Variants in HCN1 observed in about 807,000 individuals in gnomAD.
HCN1 encodes potassium/sodium hyperpolarization-activated cyclic nucleotide-gated channel 1.
Under a neutral mutation model 78.9 loss-of-function variants are expected in HCN1, and 13 were observed. The ratio of observed to expected loss-of-function variants is 0.16; its 90% CI spans 0.11 to 0.26. The LOEUF is 0.26. Among genes scored for constraint, HCN1 ranks in the 10% least tolerant of loss-of-function variants. The pLI is 1.00. For missense variants in HCN1, 810 were observed against 1,154.3 expected, an observed-to-expected ratio of 0.70 and a Z score of 4.32; for synonymous variants, 552 against 455.5, an observed-to-expected ratio of 1.21 and a Z score of -2.70.
At chr5:45,372,072 T>TATAATATAATTATACATATACTA (rs1561127858) in intron 4 of HCN1, among the ~76,000 whole-genome samples, 1 of 47,628 alleles carries the variant, frequency 2.1e-5, no homozygotes, top group African/African-American at 1.3e-4. Context: ...ATATTATATA[T>TATAATATAATTATACATATACTA]TATATATAAT....
intron 5 of HCN1, among the ~76,000 whole-genome samples, chr5:45,306,851 G>C (rs965609212): frequency 6.6e-6 from 1 of 152,112 alleles, no homozygotes; most frequent in South Asian, 2.1e-4. Context: ...TTGAGGAAAG[G>C]TTGCTTGCTA....
intron 2 of HCN1, among the ~76,000 whole-genome samples, chr5:45,474,597 A>G (rs939211330): frequency 3.9e-5 from 6 of 152,026 alleles, no homozygotes; most frequent in African/African-American, 1.4e-4. Context: ...AATTTAAGAC[A>G]AAGGGCAAGC....
rs184199628 is a variant in HCN1, at chr5:45,371,554, T to G, written c.1231-18308A>C. 2.1e-3 allele frequency among the ~76,000 whole-genome samples: 313 copies of G among 151,520 alleles called. 2 individuals are homozygous for G. The highest frequency in any genetic ancestry group is 7.3e-3 in the African/African-American group (304 of 41,376). ...TGGACAGATCACGAGGTCAGGAGTT[T>G]GAGACCATCCTGGACAACACAGTGA... On this transcript the variant is annotated intron_variant, in intron 4 of 7. Transcript: ENST00000303230.
rs973719997 is a variant in HCN1, at chr5:45,274,187, C to T, written c.1619-6934G>A. The stretch of plus-strand genomic sequence containing the variant: ...CCAGAATACCCAATTTTTCATTTTA[C>T]TAAGGGTATAACTAGTCATTTCAAC... On this transcript the variant is annotated intron_variant, in intron 6 of 7. Coordinates refer to ENST00000303230, the MANE Select transcript of HCN1 (RefSeq NM_021072.4). 2.6e-5 allele frequency among the ~76,000 whole-genome samples: 4 copies of T among 152,012 alleles called. 1 individual carries two copies. Among genetic ancestry groups the T allele is most frequent in the African/African-American group, 9.7e-5 (4 of 41,412 alleles).
intron 3 of HCN1, among the ~76,000 whole-genome samples, chr5:45,414,354 T>C (rs1740078271): frequency 6.6e-6 from 1 of 152,062 alleles, no homozygotes; most frequent in African/African-American, 2.4e-5. Flanking sequence ...TGAACAGAGT[T>C]GAATATCATT....
chr5:45,365,658 C>T (rs1747220391), intron 4 of HCN1, among the ~76,000 whole-genome samples: 1 of 151,842 alleles, frequency 6.6e-6, no homozygotes. Context: ...TATATGAGTG[C>T]AGGTGTCTTT....
chr5:45,597,064 A>G (rs1177518895), intron 2 of HCN1, among the ~76,000 whole-genome samples: 1 of 152,132 alleles, frequency 6.6e-6, no homozygotes, highest in Non-Finnish European at 1.5e-5. Flanking sequence ...TAACTCATTT[A>G]ATGAGGCCAG....
chr5:45,373,463 C>T (rs971983834), intron 4 of HCN1, among the ~76,000 whole-genome samples: 1 of 135,626 alleles, frequency 7.4e-6, no homozygotes, highest in Admixed American at 8.2e-5. Flanking sequence ...ATATTATATA[C>T]ATTATATACA....
intron 2 of HCN1, among the ~76,000 whole-genome samples, chr5:45,590,075 T>C (rs921632062): frequency 6.6e-6 from 1 of 152,200 alleles, no homozygotes; most frequent in African/African-American, 2.4e-5. Flanking sequence ...AAATTTATTG[T>C]ACTGGTGTAT....
chr5:45,463,975 A>G (rs142602537), intron 2 of HCN1, among the ~76,000 whole-genome samples: 2 of 152,208 alleles, frequency 1.3e-5, no homozygotes, highest in Admixed American at 6.5e-5. Context: ...AAATCTACAA[A>G]TTATAAGTAT....
At chr5:45,436,075 A>T (rs1462397512) in intron 3 of HCN1, among the ~76,000 whole-genome samples, 1 of 152,230 alleles carries the variant, frequency 6.6e-6, no homozygotes, top group Non-Finnish European at 1.5e-5. Flanking sequence ...ACAAACATTT[A>T]ACTGACATAC....
chr5:45,693,900 T>C, intron 1 of HCN1, among the ~76,000 whole-genome samples: 1 of 152,218 alleles, frequency 6.6e-6, no homozygotes, highest in East Asian at 1.9e-4. Flanking sequence ...CTGGTACATT[T>C]CTGGAAATAC....
rs1561130061 is a variant in HCN1, at chr5:45,374,035, CATAATATATATTATATATATTATATAT to C, written c.1231-20816_1231-20790del. Among the ~76,000 whole-genome samples, 523 of 59,050 alleles carry C rather than the reference CATAATATATATTATATATATTATATAT, an allele frequency of 8.9e-3. 4 individuals carry two copies. Among genetic ancestry groups the C allele is most frequent in the African/African-American group, 0.039 (499 of 12,682 alleles). 38.7% of individuals were successfully genotyped at this position (59,050 alleles called of 152,430 possible). ...TAATATATATTATATATATTATATA[CATAATATATATTATATATATTATATAT>C]ATAATATATATAATATCTATTACAT... On this transcript the variant is annotated intron_variant, in intron 4 of 7. Coordinates refer to ENST00000303230, the MANE Select transcript of HCN1 (RefSeq NM_021072.4).
At chr5:45,435,062 T>C (rs1302756524) in intron 3 of HCN1, among the ~76,000 whole-genome samples, 1 of 152,110 alleles carries the variant, frequency 6.6e-6, no homozygotes, top group Non-Finnish European at 1.5e-5. Context: ...AGTATAAGAA[T>C]ACTGTTATTT....
At chr5:45,284,415 C>T (rs1323225988) in intron 6 of HCN1, among the ~76,000 whole-genome samples, 3 of 151,860 alleles carry the variant, frequency 2.0e-5, no homozygotes, top group Admixed American at 1.3e-4. Context: ...ATATAAATTG[C>T]AGTAAAGATG....
chr5:45,617,115 G>A lies in HCN1; in HGVS notation c.849+28070C>T, dbSNP rs2696009. Among the ~76,000 whole-genome samples, 1,129 of 151,984 alleles carry A rather than the reference G, an allele frequency of 7.4e-3. 11 individuals carry two copies. Among genetic ancestry groups the A allele is most frequent in the African/African-American group, 0.026 (1,061 of 41,498 alleles). On this transcript the variant is annotated intron_variant, in intron 2 of 7. Transcript: ENST00000303230. Reference sequence around the variant, plus strand: ...AACATATATATTTATACTTACTAACGGCTGCCATATAAGTTAAGAGAACAC... The same window carrying A: ...AACATATATATTTATACTTACTAACAGCTGCCATATAAGTTAAGAGAACAC...
intron 4 of HCN1, among the ~76,000 whole-genome samples, chr5:45,386,239 G>T (rs543090888): frequency 6.7e-6 from 1 of 149,574 alleles, no homozygotes; most frequent in East Asian, 2.0e-4. Flanking sequence ...TCAGTGGTGT[G>T]ATCAGAGCTC....
At chr5:45,271,044 G>C (rs968563529) in intron 6 of HCN1, among the ~76,000 whole-genome samples, 5 of 151,834 alleles carry the variant, frequency 3.3e-5, no homozygotes, top group Non-Finnish European at 7.4e-5. Flanking sequence ...TATTACCATT[G>C]GTAAGAAAAT....
intron 4 of HCN1, among the ~76,000 whole-genome samples, chr5:45,363,225 T>C (rs911822711): frequency 2.0e-5 from 3 of 149,886 alleles, no homozygotes; most frequent in African/African-American, 4.9e-5. Context: ...ACAACGCGTC[T>C]TTCCTTGTAA....
Sources: gnomAD v4.1 joint callset for allele counts (sites outside exome capture counted in the v4.1 genomes callset) on GRCh38, gnomAD v4.1.1 for gene constraint, MANE v1.5 for transcripts, NCBI Gene and HGNC (gene_info 2026-07-23, HGNC 2026-07-21) for gene names.